Variants in PTPRK observed in about 807,000 individuals in gnomAD.
PTPRK encodes the protein protein tyrosine phosphatase receptor type K, also known as receptor-type tyrosine-protein phosphatase kappa.
PTPRK carries 75 observed loss-of-function variants against 178.0 expected under a neutral mutation model. The observed-to-expected ratio is 0.42, with a 90% CI of 0.35 to 0.51. The LOEUF is 0.51. PTPRK is among the 20% of genes least tolerant of loss of function. The pLI, the probability that PTPRK is intolerant of heterozygous loss-of-function variation, is 0.02. For synonymous variants in PTPRK, 637 were observed against 620.6 expected, an observed-to-expected ratio of 1.03 and a Z score of -0.39; for missense variants, 1,441 against 1,797.8, an observed-to-expected ratio of 0.80 and a Z score of 3.59.
At position 127,970,088 on chromosome 6, in the gene PTPRK, A is replaced by T; in HGVS notation, c.*139T>A. The T allele has an allele frequency of 1.8e-6, 1 of 568,242 alleles. No individual in the cohort carries two copies. The highest frequency in any genetic ancestry group is 3.0e-6 in the Non-Finnish European group (1 of 330,388). The allele number at this position is 568,242 out of a possible 1,614,324, so 35.2% of individuals were successfully genotyped here. ...TAAGATACACAACTTCATAAAAAAAATACTTTTACCTCTCAAATGTAAAAG... is the reference window on the plus strand; with the variant it reads ...TAAGATACACAACTTCATAAAAAAATTACTTTTACCTCTCAAATGTAAAAG... On this transcript the variant is annotated 3_prime_UTR_variant, in exon 30 of 30. Transcript: ENST00000368226.
chr6:128,203,241 A>C (rs1033614252), intron 6 of PTPRK, among the ~76,000 whole-genome samples: 3 of 152,080 alleles, frequency 2.0e-5, no homozygotes, highest in African/African-American at 7.2e-5. Context: ...CAGGTTAAAA[A>C]CTCTCAATAA....
At chr6:128,247,625 G>A (rs6928143) in intron 3 of PTPRK, among the ~76,000 whole-genome samples, 27,321 of 152,038 alleles carry the variant, frequency 0.18, 5,843 homozygotes, top group African/African-American at 0.5. Flanking sequence ...GGCCTAGTTC[G>A]TACCCTTTAA....
intron 2 of PTPRK, among the ~76,000 whole-genome samples, chr6:128,341,254 AATT>A (rs1831620862): frequency 1.3e-5 from 2 of 152,162 alleles, no homozygotes; most frequent in African/African-American, 4.8e-5. Context: ...ATTAATAAAT[AATT>A]ATCTTAAGTA....
In PTPRK at chr6:127,985,772, C is replaced by G; in HGVS notation, c.3200G>C (p.Arg1067Pro). 6.2e-7 allele frequency: 1 copy of G among 1,613,866 alleles called. No homozygotes were observed. The change falls in exon 22 of 30, where the codon CGA becomes CCA. Residue 1067 changes from arginine (R) to proline (P), a missense_variant. Around this residue, in one of 4 missense-constraint regions of PTPRK, gnomAD observed 335 missense variants for 512.4 expected, o/e 0.65. Coordinates refer to ENST00000368226, the MANE Select transcript of PTPRK (RefSeq NM_002844.4). ...ACTGGGAGGGTTTGATAACTTGACT[C>G]GCCGGATAAAGGAAAGCAGCCCTGT... ...HATGLLSFIRRVKLSNPPSAG... is the reference protein window; with the variant it reads ...HATGLLSFIRPVKLSNPPSAG...
At chr6:128,042,510 G>A (rs2114841183) in intron 13 of PTPRK, among the ~76,000 whole-genome samples, 1 of 152,088 alleles carries the variant, frequency 6.6e-6, no homozygotes, top group Middle Eastern at 3.4e-3. Context: ...CTTCTTCAAA[G>A]CAGGCCATTC....
chr6:128,129,752 G>A (rs1006029691), intron 7 of PTPRK, among the ~76,000 whole-genome samples: 1 of 151,988 alleles, frequency 6.6e-6, no homozygotes, highest in Admixed American at 6.6e-5. Flanking sequence ...CAAACTAATA[G>A]TATTTAGAAA....
intron 21 of PTPRK, 53 bp downstream of exon 21, chr6:127,990,716 G>C: frequency 8.5e-7 from 1 of 1,179,674 alleles, no homozygotes; most frequent in South Asian, 1.3e-5. Flanking sequence ...AAGATTTTAA[G>C]AGAAAAAGCA....
At chr6:128,305,902 T>C (rs968224108) in intron 3 of PTPRK, among the ~76,000 whole-genome samples, 11 of 152,232 alleles carry the variant, frequency 7.2e-5, no homozygotes, top group Non-Finnish European at 1.3e-4. Context: ...CATTAGTTTG[T>C]TCTAACACAG....
At chr6:128,137,699 T>A (rs181675635) in intron 7 of PTPRK, among the ~76,000 whole-genome samples, 1 of 152,078 alleles carries the variant, frequency 6.6e-6, no homozygotes, top group East Asian at 1.9e-4. Flanking sequence ...CCAAACAGCA[T>A]CCAAGATAGT....
intron 2 of PTPRK, among the ~76,000 whole-genome samples, chr6:128,378,122 TAA>T (rs1230224584): frequency 1.3e-5 from 2 of 152,132 alleles, no homozygotes; most frequent in African/African-American, 4.8e-5. Flanking sequence ...ATATAAACCA[TAA>T]GTTACTTTCA....
At position 128,082,553 on chromosome 6, in the gene PTPRK, G is replaced by A. The variant is rs1785005806; in HGVS notation, c.1661C>T (p.Thr554Ile). ...PQTVSNLWNS[T>I]HHVFMHLHPG... is the part of the protein sequence containing the mutation. ...GTGGAGATGCATAAAGACATGGTGT[G>A]TACTGTTCCATAAATTTGATACAGT... is the stretch of plus-strand genomic sequence containing the variant. Residue 554 changes from threonine to isoleucine, a missense_variant, in exon 10 of 30, where the codon ACA (threonine) becomes ATA (isoleucine). Around this residue, in one of 4 missense-constraint regions of PTPRK, gnomAD observed 945 missense variants for 1,080.6 expected, o/e 0.87. Transcript: ENST00000368226. 3 of 1,612,124 alleles carry A rather than the reference G, an allele frequency of 1.9e-6. No individual in the cohort carries two copies. The highest frequency in any genetic ancestry group is 1.7e-5 in the Admixed American group (1 of 59,886).
chr6:128,098,456 T>C (rs1007079129), intron 7 of PTPRK, among the ~76,000 whole-genome samples: 2 of 152,082 alleles, frequency 1.3e-5, no homozygotes, highest in Non-Finnish European at 2.9e-5. Context: ...ATGAGATACA[T>C]GTGGAACAGA....
intron 21 of PTPRK, among the ~76,000 whole-genome samples, chr6:127,989,252 A>C (rs1776317491): frequency 6.6e-6 from 1 of 152,118 alleles, no homozygotes; most frequent in Admixed American, 6.6e-5. Flanking sequence ...TATTCATTAA[A>C]TCAAGCTTAA....
At chr6:128,208,570 C>T (rs1055491311) in intron 6 of PTPRK, among the ~76,000 whole-genome samples, 34 of 152,016 alleles carry the variant, frequency 2.2e-4, no homozygotes, top group African/African-American at 6.3e-4. Flanking sequence ...TTTTTATATG[C>T]AGATAATGTC....
intron 24 of PTPRK, among the ~76,000 whole-genome samples, chr6:127,982,337 A>G (rs1405123287): frequency 2.0e-5 from 3 of 151,800 alleles, no homozygotes; most frequent in Admixed American, 2.0e-4. Flanking sequence ...CAGTGGTGCA[A>G]TCTCGGCTCA....
chr6:127,971,681 T>A (rs1378516941), intron 29 of PTPRK, among the ~76,000 whole-genome samples: 4 of 152,098 alleles, frequency 2.6e-5, no homozygotes, highest in Non-Finnish European at 2.9e-5. Flanking sequence ...AAATAGTAAC[T>A]TTTTGGAAGG....
At chr6:128,461,424 C>A (rs1401640015) in intron 1 of PTPRK, among the ~76,000 whole-genome samples, 1 of 152,108 alleles carries the variant, frequency 6.6e-6, no homozygotes, top group Non-Finnish European at 1.5e-5. Flanking sequence ...ATTTTGCACA[C>A]ACACCAATTT....
chr6:128,430,806 C>A (rs1026610674), intron 1 of PTPRK, among the ~76,000 whole-genome samples: 1 of 152,188 alleles, frequency 6.6e-6, no homozygotes, highest in Non-Finnish European at 1.5e-5. Flanking sequence ...AGATTCTGAA[C>A]TGGCACCACA....
intron 7 of PTPRK, among the ~76,000 whole-genome samples, chr6:128,139,755 C>G (rs867589504): frequency 6.6e-6 from 1 of 152,014 alleles, no homozygotes; most frequent in African/African-American, 2.4e-5. Context: ...GAGTAAATCA[C>G]GCAGTACTGA....
Sources: gnomAD v4.1 joint callset for allele counts (sites outside exome capture counted in the v4.1 genomes callset) on GRCh38, gnomAD v4.1.1 for gene constraint, gnomAD v4.1.1 regional missense constraint, MANE v1.5 for transcripts, NCBI Gene and HGNC (gene_info 2026-07-23, HGNC 2026-07-21) for gene names.